The following IQSEC1 variants were observed in gnomAD, a reference collection of about 807,000 sequenced individuals.
IQSEC1 encodes the protein IQ motif and SEC7 domain-containing protein 1.
A neutral mutation model predicts 91.0 loss-of-function variants in IQSEC1; 31 were observed. The ratio of observed to expected loss-of-function variants is 0.34; its 90% confidence interval spans 0.26 to 0.46. The LOEUF (loss-of-function observed/expected upper bound fraction) is 0.46, where lower values mean the gene tolerates loss of function less well. IQSEC1 is among the 20% of genes least tolerant of loss of function. IQSEC1 has a pLI of 1.00. For synonymous variants in IQSEC1, 699 were observed against 662.6 expected (o/e 1.05, Z -0.84); for missense variants, 1,388 against 1,575.6 (o/e 0.88, Z 2.02).
chr3:13,147,295 AT>A (rs1021561176), intron 2 of IQSEC1, among the ~76,000 whole-genome samples: 19 of 151,890 alleles, frequency 1.3e-4, no homozygotes, highest in African/African-American at 3.4e-4. Flanking sequence ...CCTGATACAT[AT>A]TTTTTTTCCC....
At chr3:12,928,032 C>T (rs963944496) in intron 3 of IQSEC1, among the ~76,000 whole-genome samples, 1 of 152,030 alleles carries the variant, frequency 6.6e-6, no homozygotes, top group African/African-American at 2.4e-5. Context: ...AGTGTGAGGT[C>T]AAGAGGGTGG....
intron 1 of IQSEC1, among the ~76,000 whole-genome samples, chr3:13,021,675 A>C (rs1703404215): frequency 6.6e-6 from 1 of 152,188 alleles, no homozygotes; most frequent in Admixed American, 6.5e-5. Flanking sequence ...CGCTGAAGGG[A>C]CGCGTGTGAG....
intron 12 of IQSEC1, among the ~76,000 whole-genome samples, chr3:12,906,209 C>T (rs1189314545): frequency 1.3e-5 from 2 of 152,304 alleles, no homozygotes; most frequent in African/African-American, 2.4e-5. Context: ...GGAGCAGTGA[C>T]GTGTCAAACA....
chr3:12,901,501 G>A lies in IQSEC1; in HGVS notation c.2827C>T (p.His943Tyr), dbSNP rs1410862416. The A allele has an allele frequency of 6.5e-7, 1 of 1,549,974 alleles. No individual in the cohort carries two copies. The highest frequency in any genetic ancestry group is 2.4e-5 in the East Asian group (1 of 40,922). The change falls in exon 14 of 14, where the codon CAC becomes TAC. Residue 943 changes from histidine (H) to tyrosine (Y), a missense_variant. By Grantham distance (83) the His-to-Tyr change is moderately conservative. Around this residue, in one of 2 missense-constraint regions of IQSEC1, gnomAD observed 329 missense variants for 257.8 expected, o/e 1.28. Transcript: ENST00000613206. ...GTTGATGTAGCTCTCCGGCGCATGT[G>A]AGGACTGCTAATGATGGACCCCTAA... The part of the protein sequence containing the change: ...NVEGSIISSP[H>Y]MRRRATSTRE...
intron 2 of IQSEC1, among the ~76,000 whole-genome samples, chr3:13,101,222 C>T (rs148319576): frequency 0.016 from 2,362 of 152,282 alleles, 30 homozygotes; most frequent in Non-Finnish European, 0.02. Flanking sequence ...TGGCTCACGC[C>T]TGTAATCCCA....
intron 1 of IQSEC1, chr3:12,960,670 C>A (rs1448622562): frequency 3.3e-5 from 5 of 152,234 alleles, no homozygotes; most frequent in Non-Finnish European, 7.3e-5. Flanking sequence ...AGTGATTTCA[C>A]AAGGTTCTTG....
intron 2 of IQSEC1, among the ~76,000 whole-genome samples, chr3:13,148,811 C>A (rs1706941107): frequency 6.6e-6 from 1 of 152,274 alleles, no homozygotes; most frequent in Admixed American, 6.5e-5. Flanking sequence ...ACACGTCAGG[C>A]TAGCCTGCTT....
intron 1 of IQSEC1, among the ~76,000 whole-genome samples, chr3:13,062,418 T>C (rs1479213344): frequency 1.3e-5 from 2 of 152,082 alleles, no homozygotes; most frequent in African/African-American, 2.4e-5. Context: ...AGGAAATAGG[T>C]TCAGAGAGGT....
intron 1 of IQSEC1, among the ~76,000 whole-genome samples, chr3:13,237,269 G>A (rs1057389191): frequency 2.6e-5 from 4 of 152,212 alleles, no homozygotes; most frequent in African/African-American, 9.6e-5. Context: ...CCCCAGAACG[G>A]GGTCACTGAG....
In IQSEC1 at chr3:12,979,517, C is replaced by CT. The variant is rs1701352282; in HGVS notation, c.24-37653dup. Among the ~76,000 whole-genome samples, 1 of 152,236 alleles carries CT rather than the reference C, an allele frequency of 6.6e-6. No individual in the cohort carries two copies. Among genetic ancestry groups the CT allele is most frequent in the Admixed American group, 6.5e-5 (1 of 15,290 alleles). ...CACGCAGCACGCGCACACACACACT[C>CT]TAAGATGTCCCTGGACAGCGGTTGT... On this transcript the variant is annotated intron_variant, in intron 1 of 13. Coordinates refer to ENST00000613206, the MANE Select transcript of IQSEC1 (RefSeq NM_001134382.3). This position sits in a 1 kb window ranked among gnomAD's most constrained non-coding sequence, Gnocchi z 4.3.
chr3:13,261,915 A>G (rs909912097), intron 1 of IQSEC1, among the ~76,000 whole-genome samples: 8 of 152,244 alleles, frequency 5.3e-5, no homozygotes, highest in African/African-American at 1.9e-4. Flanking sequence ...ATGGATTTGT[A>G]AAATATCTGC....
intron 3 of IQSEC1, among the ~76,000 whole-genome samples, chr3:12,933,655 G>T (rs984817664): frequency 6.6e-6 from 1 of 152,202 alleles, no homozygotes; most frequent in Non-Finnish European, 1.5e-5. Flanking sequence ...ATAGAGATAC[G>T]ATGGGGCACA....
chr3:13,234,949 G>A (rs527862958), intron 1 of IQSEC1, among the ~76,000 whole-genome samples: 6 of 152,312 alleles, frequency 3.9e-5, no homozygotes, highest in African/African-American at 1.4e-4. Context: ...ACGAGGTGTG[G>A]GTGATTGCTG....
intron 1 of IQSEC1, among the ~76,000 whole-genome samples, chr3:13,200,289 C>G (rs1003758918): frequency 6.6e-6 from 1 of 152,038 alleles, no homozygotes; most frequent in Admixed American, 6.6e-5. Context: ...ACATACTCCC[C>G]CCCCTTATCA....
intron 1 of IQSEC1, among the ~76,000 whole-genome samples, chr3:13,061,600 C>T (rs1374011107): frequency 6.6e-6 from 1 of 152,110 alleles, no homozygotes; most frequent in Non-Finnish European, 1.5e-5. Context: ...GACTCCAGGC[C>T]CTGTGCTGAT....
intron 2 of IQSEC1, among the ~76,000 whole-genome samples, chr3:13,107,551 G>T (rs996929286): frequency 6.6e-6 from 1 of 152,236 alleles, no homozygotes; most frequent in African/African-American, 2.4e-5. Flanking sequence ...GCAGATTTCA[G>T]ATTTCAACCA....
At chr3:13,226,033 A>AT (rs1694747820) in intron 1 of IQSEC1, among the ~76,000 whole-genome samples, 1 of 152,062 alleles carries the variant, frequency 6.6e-6, no homozygotes, top group South Asian at 2.1e-4. Context: ...GGCACCCACC[A>AT]CCACGCCTGG....
Position 13,056,392 on chromosome 3 carries a change from C to T in IQSEC1, c.23+16600G>A, listed in dbSNP as rs539426015. Among the ~76,000 whole-genome samples the T allele has an allele frequency of 5.3e-5, 8 of 152,236 alleles. No homozygotes were observed. In the South Asian group the frequency reaches 1.7e-3, roughly 32 times the overall value. On this transcript the variant is annotated intron_variant, in intron 1 of 13. Transcript: ENST00000613206. ...GCAAACCCTCTAGAGTCCACCTGGC[C>T]TTTCTGGGGGGTCCTTCCTGGGTTT... is the stretch of plus-strand genomic sequence containing the variant.
chr3:13,167,877 T>G (rs191671064), intron 1 of IQSEC1, among the ~76,000 whole-genome samples: 7 of 152,332 alleles, frequency 4.6e-5, no homozygotes, highest in Admixed American at 4.6e-4. Flanking sequence ...GCTCTGGTTC[T>G]GCAAATGTTC....
Sources: gnomAD v4.1 joint callset for allele counts (sites outside exome capture counted in the v4.1 genomes callset) on GRCh38, gnomAD v4.1.1 for gene constraint, gnomAD v4.1.1 regional missense constraint, Gnocchi (gnomAD v3.1) non-coding constraint, MANE v1.5 for transcripts, NCBI Gene and HGNC (gene_info 2026-07-23, HGNC 2026-07-21) for gene names.